Variants in SGCZ observed in about 807,000 individuals in gnomAD.
SGCZ encodes sarcoglycan zeta.
A neutral mutation model predicts 41.3 loss-of-function variants in SGCZ; 40 were observed. The ratio of observed to expected loss-of-function variants is 0.97; its 90% CI spans 0.75 to 1.26. The LOEUF (loss-of-function observed/expected upper bound fraction) is 1.26, where lower values mean the gene tolerates loss of function less well. SGCZ is among the 50% of genes most tolerant of loss of function. The pLI is 0.00. For synonymous variants in SGCZ, 206 were observed against 137.5 expected (o/e 1.50, Z -3.49); for missense variants, 552 against 369.8 (o/e 1.49, Z -4.04).
In SGCZ at chr8:14,779,185, T is replaced by C. The variant is rs553097165; in HGVS notation, c.40-224259A>G. Among the ~76,000 whole-genome samples the C allele has an allele frequency of 4.7e-4, 72 of 152,342 alleles. 1 individual carries two copies. Among genetic ancestry groups the C allele is most frequent in the African/African-American group, 1.6e-3 (68 of 41,582 alleles). Reference sequence around the variant, plus strand: ...TCACATATTAAATCATGGTCACCTATATAACCAATAGATTATGGCTGAAGT... The same window carrying C: ...TCACATATTAAATCATGGTCACCTACATAACCAATAGATTATGGCTGAAGT... On this transcript the variant is annotated intron_variant, in intron 1 of 7. Transcript: ENST00000382080.
intron 1 of SGCZ, among the ~76,000 whole-genome samples, chr8:14,556,397 T>A (rs1804037052): frequency 6.6e-6 from 1 of 151,936 alleles, no homozygotes; most frequent in Non-Finnish European, 1.5e-5. Context: ...CAATTATCAT[T>A]GTAATGTTCA....
At chr8:14,382,950 T>A (rs1804424650) in intron 2 of SGCZ, among the ~76,000 whole-genome samples, 1 of 152,142 alleles carries the variant, frequency 6.6e-6, no homozygotes, top group Admixed American at 6.5e-5. Flanking sequence ...TAGAATCACT[T>A]CTCTCCCGCA....
intron 1 of SGCZ, among the ~76,000 whole-genome samples, chr8:15,000,377 T>A (rs13265692): frequency 6.6e-6 from 1 of 152,002 alleles, no homozygotes; most frequent in East Asian, 1.9e-4. Context: ...CCTAGTGATA[T>A]AGGAGTTAAA....
At chr8:15,093,444 T>C (rs184584879) in intron 1 of SGCZ, among the ~76,000 whole-genome samples, 26 of 152,344 alleles carry the variant, frequency 1.7e-4, no homozygotes, top group African/African-American at 5.8e-4. Flanking sequence ...TTTTGTAGTA[T>C]ACAGTTTGTA....
intron 1 of SGCZ, among the ~76,000 whole-genome samples, chr8:15,073,768 C>G (rs931131312): frequency 6.6e-6 from 1 of 152,166 alleles, no homozygotes; most frequent in Non-Finnish European, 1.5e-5. Context: ...GCCCCCACAA[C>G]TGTTTGAGCC....
chr8:14,283,947 G>C (rs1800534104), intron 3 of SGCZ, among the ~76,000 whole-genome samples: 1 of 152,116 alleles, frequency 6.6e-6, no homozygotes, highest in Non-Finnish European at 1.5e-5. Flanking sequence ...GTTGCTTATT[G>C]GATATTTCCT....
At chr8:15,194,565 G>C (rs1174764751) in intron 1 of SGCZ, among the ~76,000 whole-genome samples, 7 of 152,124 alleles carry the variant, frequency 4.6e-5, no homozygotes, top group African/African-American at 1.7e-4. Flanking sequence ...TGGGCCAATG[G>C]AATCACGAGG....
intron 1 of SGCZ, among the ~76,000 whole-genome samples, chr8:14,567,151 G>GC (rs925738118): frequency 4.6e-5 from 7 of 152,266 alleles, no homozygotes; most frequent in South Asian, 2.1e-4. Context: ...TGGCGTCGGA[G>GC]CCCCCCCAGG....
intron 1 of SGCZ, among the ~76,000 whole-genome samples, chr8:14,636,485 G>T (rs575316180): frequency 1.3e-5 from 2 of 152,028 alleles, no homozygotes; most frequent in South Asian, 4.1e-4. Context: ...TTGAGACAGT[G>T]TTATTAAAAG....
In SGCZ at chr8:15,174,271, T is replaced by C. The variant is rs1210507196; in HGVS notation, c.39+63314A>G. On this transcript the variant is annotated intron_variant, in intron 1 of 7. Transcript: ENST00000382080. ...GGTGATGTAAAAGATCAAATAGTTT[T>C]TTCATTGTGTAAATATATTACAGCT... Among the ~76,000 whole-genome samples, 4 of 152,316 alleles carry C rather than the reference T, an allele frequency of 2.6e-5. No homozygotes were observed. The East Asian group carries it at 7.7e-4, about 29-fold the overall frequency.
At chr8:14,455,691 G>C (rs1179893616) in intron 2 of SGCZ, among the ~76,000 whole-genome samples, 1 of 152,098 alleles carries the variant, frequency 6.6e-6, no homozygotes, top group Non-Finnish European at 1.5e-5. Context: ...AAATATTAGA[G>C]GCAATGCAAA....
intron 1 of SGCZ, among the ~76,000 whole-genome samples, chr8:15,054,609 C>G (rs921544139): frequency 6.6e-6 from 1 of 152,112 alleles, no homozygotes; most frequent in Admixed American, 6.5e-5. Flanking sequence ...TGTGTTAGCT[C>G]TACCATTCAC....
chr8:14,129,162 C>T (rs1361122652), intron 5 of SGCZ, among the ~76,000 whole-genome samples: 1 of 151,102 alleles, frequency 6.6e-6, no homozygotes, highest in Non-Finnish European at 1.5e-5. Flanking sequence ...CCCTGGCCAA[C>T]ATGGTGAAAC....
intron 1 of SGCZ, among the ~76,000 whole-genome samples, chr8:14,836,691 C>T (rs889335547): frequency 6.6e-6 from 1 of 152,062 alleles, no homozygotes. Flanking sequence ...AGTAGAGACA[C>T]GGTTTTACCG....
intron 1 of SGCZ, among the ~76,000 whole-genome samples, chr8:15,167,477 T>C (rs955355065): frequency 2.6e-5 from 4 of 152,196 alleles, no homozygotes; most frequent in African/African-American, 4.8e-5. Flanking sequence ...ACTCAGGTGT[T>C]TGAGGATGCA....
chr8:14,371,978 C>T (rs903459600), intron 2 of SGCZ, among the ~76,000 whole-genome samples: 2 of 151,658 alleles, frequency 1.3e-5, no homozygotes, highest in Admixed American at 1.3e-4. Flanking sequence ...GAGAAGAAAA[C>T]AAAAGCTAAA....
chr8:14,919,041 G>T (rs552794423), intron 1 of SGCZ, among the ~76,000 whole-genome samples: 1 of 152,124 alleles, frequency 6.6e-6, no homozygotes, highest in East Asian at 1.9e-4. Flanking sequence ...TGTCAGTGGA[G>T]ATAATAGCAA....
chr8:15,094,486 G>C (rs1205770786), intron 1 of SGCZ, among the ~76,000 whole-genome samples: 4 of 152,136 alleles, frequency 2.6e-5, no homozygotes, highest in South Asian at 2.1e-4. Flanking sequence ...TATGAGCCGG[G>C]AATTCAGTGA....
chr8:14,456,029 G>C (rs1402320933), intron 2 of SGCZ, among the ~76,000 whole-genome samples: 1 of 152,138 alleles, frequency 6.6e-6, no homozygotes, highest in Non-Finnish European at 1.5e-5. Flanking sequence ...GGCCATTTTG[G>C]GGGGAAGGTG....
Sources: gnomAD v4.1 joint callset for allele counts (sites outside exome capture counted in the v4.1 genomes callset) on GRCh38, gnomAD v4.1.1 for gene constraint, MANE v1.5 for transcripts, NCBI Gene and HGNC (gene_info 2026-07-23, HGNC 2026-07-21) for gene names.